The following SPOP variants were observed in gnomAD, a reference collection of about 807,000 sequenced individuals.
SPOP encodes speckle type BTB/POZ protein.
Under a neutral mutation model 45.6 loss-of-function variants are expected in SPOP, and 11 were observed. That is an observed-to-expected ratio of 0.24 (90% CI 0.15 to 0.40). The LOEUF is 0.40. Ranked by LOEUF, SPOP falls within the 10% of genes least tolerant of loss-of-function variation. The probability of loss-of-function intolerance (pLI) is 1.00; values close to 1 mark genes in which losing one functional copy is unlikely to be tolerated. For missense variants in SPOP, 152 were observed against 465.6 expected, an observed-to-expected ratio of 0.33 and a Z score of 6.20; for synonymous variants, 166 against 166.3, an observed-to-expected ratio of 1.00 and a Z score of 0.01.
chr17:49,620,737 T>C (rs905405990), intron 3 of SPOP: 2 of 154,244 alleles, frequency 1.3e-5, no homozygotes, highest in Non-Finnish European at 2.9e-5. Context: ...ATGTCATTAG[T>C]CAAATGCATG....
At chr17:49,636,142 C>T (rs1177012240) in intron 1 of SPOP, 2 of 152,146 alleles carry the variant, frequency 1.3e-5, no homozygotes, top group African/African-American at 4.8e-5. Context: ...GAACTGCAGG[C>T]ATGTGCCACC....
chr17:49,650,829 T>C (rs1289832629), intron 1 of SPOP, among the ~76,000 whole-genome samples: 4 of 152,236 alleles, frequency 2.6e-5, no homozygotes, highest in African/African-American at 9.6e-5. Context: ...ACATCCTGTA[T>C]TGTGCCTAGC....
At chr17:49,611,693 T>G (rs1253472716) in intron 5 of SPOP, among the ~76,000 whole-genome samples, 1 of 152,094 alleles carries the variant, frequency 6.6e-6, no homozygotes, top group African/African-American at 2.4e-5. Context: ...CCCACAAATC[T>G]CTTTTTCCCC....
rs58009760 is a variant in SPOP at position 49,624,331 on chromosome 17, G to GCACACACA, written c.-66-1463_-66-1456dup. Among the ~76,000 whole-genome samples, 1,372 of 149,300 alleles carry GCACACACA rather than the reference G, an allele frequency of 9.2e-3. 10 individuals carry two copies. The highest frequency in any genetic ancestry group is 0.035 in the Middle Eastern group (10 of 288). On this transcript the variant is annotated intron_variant, in intron 1 of 9. Transcript: ENST00000504102. ...GGAACACACACACACGCGCGCGCGC[G>GCACACACA]CACACACACACACACACACACACAC...
intron 1 of SPOP, among the ~76,000 whole-genome samples, chr17:49,644,600 G>A (rs953438372): frequency 6.6e-6 from 1 of 152,134 alleles, no homozygotes; most frequent in Non-Finnish European, 1.5e-5. Context: ...TGGAAAAACT[G>A]TGAAATATTC....
intron 6 of SPOP, among the ~76,000 whole-genome samples, chr17:49,608,915 C>A (rs1421028357): frequency 7.5e-6 from 1 of 132,796 alleles, no homozygotes; most frequent in Admixed American, 7.4e-5. Flanking sequence ...TTTTTTTTTT[C>A]TTTCTGAGAC....
In SPOP at chr17:49,619,502, T is replaced by G; in HGVS notation, c.201-117A>C. 2.7e-6 allele frequency: 3 copies of G among 1,111,724 alleles called. No individual in the cohort carries two copies. Among genetic ancestry groups the G allele is most frequent in the Non-Finnish European group, 3.8e-6 (3 of 798,106 alleles). 68.9% of individuals were successfully genotyped at this position (1,111,724 alleles called of 1,614,324 possible). On this transcript the variant is annotated intron_variant, in intron 3 of 9. Transcript: ENST00000504102. The surrounding 1 kb of genome is among the most constrained non-coding windows in gnomAD (Gnocchi z 4.9). ...CAAATGCAGGCCCCATAGAAGAATA[T>G]AATTCAGTAGAATGACTAGTTGGGA... is the stretch of plus-strand genomic sequence containing the variant.
intron 5 of SPOP, chr17:49,612,668 A>C (rs1052443336): frequency 3.9e-5 from 6 of 152,226 alleles, no homozygotes; most frequent in African/African-American, 1.4e-4. Context: ...CAGTTGCCCA[A>C]CTGTAGATAG....
intron 1 of SPOP, among the ~76,000 whole-genome samples, chr17:49,661,983 A>G (rs996020825): frequency 7.0e-6 from 1 of 142,578 alleles, no homozygotes; most frequent in African/African-American, 2.6e-5. Context: ...AGTGCACTCC[A>G]GCCTGGGCAA....
At chr17:49,645,143 T>A (rs375342275) in intron 1 of SPOP, among the ~76,000 whole-genome samples, 18 of 152,330 alleles carry the variant, frequency 1.2e-4, no homozygotes, top group South Asian at 8.3e-4. Flanking sequence ...AAAAAGAGCC[T>A]ATGAATTCAG....
intron 6 of SPOP, among the ~76,000 whole-genome samples, chr17:49,609,352 A>G (rs1478150169): frequency 1.3e-5 from 2 of 152,228 alleles, no homozygotes; most frequent in African/African-American, 4.8e-5. Context: ...CTAAATAAAT[A>G]TATTTCAGAA....
At chr17:49,650,620 CAA>C (rs1223085985) in intron 1 of SPOP, among the ~76,000 whole-genome samples, 1 of 152,020 alleles carries the variant, frequency 6.6e-6, no homozygotes, top group Non-Finnish European at 1.5e-5. Flanking sequence ...AGTAGAAAAA[CAA>C]AAAGTAGAGA....
intron 1 of SPOP, among the ~76,000 whole-genome samples, chr17:49,659,634 C>T (rs982748516): frequency 2.0e-5 from 3 of 152,156 alleles, no homozygotes; most frequent in Admixed American, 2.0e-4. Flanking sequence ...GTTTGTCCTA[C>T]ATGATGTTAT....
chr17:49,672,008 T>C lies in SPOP; in HGVS notation c.-67+5925A>G, dbSNP rs545155240. On this transcript the variant is annotated intron_variant, in intron 1 of 9. Coordinates refer to ENST00000504102, the MANE Select transcript of SPOP (RefSeq NM_001007228.2). ...ACAAAAAATTAGCCGAGCGTTGTGG[T>C]GGGCACCTGTAATCCCAGCTAATTG... Among the ~76,000 whole-genome samples the C allele has an allele frequency of 2.6e-5, 4 of 152,180 alleles. No homozygotes were observed. In the South Asian group the frequency reaches 6.2e-4, roughly 24 times the overall value.
At position 49,619,364 on chromosome 17, in the gene SPOP, T is replaced by C. The variant is rs2143273683; in HGVS notation, c.222A>G (p.Lys74=). The change falls in exon 4 of 10, where the codon AAA becomes AAG. Residue 74 remains lysine (K), a synonymous_variant. Transcript: ENST00000504102. This position sits in a 1 kb window ranked among gnomAD's most constrained non-coding sequence, Gnocchi z 4.9. The part of the protein sequence containing the change: ...KLKWCLRVNP[K]GLDEESKDYL... ...AATCTTTGCTTTCTTCATCTAACCC[T>C]TTGGGGTTTACTCGCAAACACCTGT... The C allele has an allele frequency of 6.2e-7, 1 of 1,613,842 alleles. No individual in the cohort carries two copies. Among genetic ancestry groups the C allele is most frequent in the Non-Finnish European group, 8.5e-7 (1 of 1,179,958 alleles).
intron 6 of SPOP, among the ~76,000 whole-genome samples, chr17:49,609,931 G>A (rs1190996595): frequency 6.6e-6 from 1 of 151,926 alleles, no homozygotes; most frequent in Non-Finnish European, 1.5e-5. Flanking sequence ...AGCAGAGGTA[G>A]AAAAAAAGTC....
At chr17:49,636,654 A>C (rs1361693018) in intron 1 of SPOP, 2 of 152,238 alleles carry the variant, frequency 1.3e-5, no homozygotes, top group African/African-American at 4.8e-5. Context: ...GATTGTACTC[A>C]AGAGGTGTAT....
chr17:49,622,601 C>CT, intron 2 of SPOP, 132 bp downstream of exon 2: 1 of 749,338 alleles, frequency 1.3e-6, no homozygotes, highest in South Asian at 1.7e-5. Context: ...TAACAAGTAT[C>CT]TTATCTATCT....
rs535165136 is a variant in SPOP, at chr17:49,606,162, T to C, written c.837+1088A>G. 2.6e-5 allele frequency among the ~76,000 whole-genome samples: 4 copies of C among 152,232 alleles called. No individual in the cohort carries two copies. In the East Asian group the frequency reaches 7.7e-4, roughly 29 times the overall value. Reference sequence around the variant, plus strand: ...GGTTTTTTATTTGTATTTTTTTAATTTATTTTTTTGAAACAAGGTCTCGTT... The same window carrying C: ...GGTTTTTTATTTGTATTTTTTTAATCTATTTTTTTGAAACAAGGTCTCGTT... On this transcript the variant is annotated intron_variant, in intron 8 of 9. Transcript: ENST00000504102.
Sources: allele counts gnomAD v4.1 joint callset (sites outside exome capture counted in the v4.1 genomes callset), GRCh38; gene constraint gnomAD v4.1.1; non-coding constraint Gnocchi (gnomAD v3.1); transcripts MANE v1.5; gene names NCBI Gene and HGNC (gene_info 2026-07-23, HGNC 2026-07-21).